Variants in TBC1D8B observed in about 807,000 individuals in gnomAD.
TBC1D8B encodes TBC1 domain family member 8B, also known as RP11-321G1.1.
In TBC1D8B, 75 loss-of-function variants were observed where a neutral mutation model predicts 82.9. That is an observed-to-expected ratio of 0.90 (90% CI 0.75 to 1.10). The LOEUF (loss-of-function observed/expected upper bound fraction) is 1.10. Ranked by LOEUF, TBC1D8B falls within the 50% of genes least tolerant of loss-of-function variation. TBC1D8B has a pLI of 0.00. For missense variants in TBC1D8B, 794 were observed against 796.9 expected (o/e 1.00, Z 0.04); for synonymous variants, 276 against 276.8 (o/e 1.00, Z 0.03).
intron 14 of TBC1D8B, among the ~76,000 whole-genome samples, chrX:106,865,268 A>T (rs1203770092): frequency 2.7e-5 from 3 of 111,998 alleles, no homozygotes; most frequent in Admixed American, 1.9e-4. Context: ...TGTTACTTAT[A>T]TTTATAGACA....
intron 8 of TBC1D8B, 54 bp from the exon 9 acceptor site, chrX:106,839,994 G>A (rs1932264120): frequency 9.0e-7 from 1 of 1,106,020 alleles, no homozygotes; most frequent in East Asian, 3.1e-5. Flanking sequence ...AAGTTATTTT[G>A]CAGAAGTTAA....
intron 7 of TBC1D8B, among the ~76,000 whole-genome samples, chrX:106,836,983 C>A (rs1037288045): frequency 9.0e-6 from 1 of 111,497 alleles, no homozygotes; most frequent in Non-Finnish European, 1.9e-5. Flanking sequence ...TGGACAGCAA[C>A]ATACTCCCCA....
In TBC1D8B at chrX:106,875,009, A is replaced by G; in HGVS notation, c.*1044A>G. On this transcript the variant is annotated 3_prime_UTR_variant, in exon 21 of 21. Transcript: ENST00000357242. ...GACATCTGTCTAAAAAGTTTTGACTATCCAATTTAGATGTGTAATTTCTAT... is the reference window on the plus strand; with the variant it reads ...GACATCTGTCTAAAAAGTTTTGACTGTCCAATTTAGATGTGTAATTTCTAT... The G allele has an allele frequency of 4.5e-5, 5 of 111,699 alleles. 1 individual carries two copies. 9.2% of individuals were successfully genotyped at this position (111,699 alleles called of 1,213,427 possible). A position where few individuals can be genotyped will look rare whatever the true frequency, so the allele number is the denominator to read the frequency against.
At chrX:106,866,662 A>G (rs761747928) in intron 16 of TBC1D8B, 135 bp from the exon 17 acceptor site, 212 of 405,258 alleles carry the variant, frequency 5.2e-4, no homozygotes, top group Non-Finnish European at 8.3e-4. Flanking sequence ...GTGGTTGTTT[A>G]ATTGTTAGCT....
intron 10 of TBC1D8B, among the ~76,000 whole-genome samples, chrX:106,841,932 C>T (rs750650789): frequency 9.0e-6 from 1 of 111,568 alleles, no homozygotes; most frequent in African/African-American, 3.2e-5. Flanking sequence ...TGATCTTAGT[C>T]ACGTGGATAC....
intron 14 of TBC1D8B, among the ~76,000 whole-genome samples, chrX:106,861,844 T>C (rs1041985344): frequency 8.9e-6 from 1 of 112,064 alleles, no homozygotes; most frequent in Non-Finnish European, 1.9e-5. Context: ...CAATAGTCTA[T>C]GTACTTAAGT....
Position 106,870,833 on chromosome X carries a change from A to T in TBC1D8B, c.2967+20A>T. 9.0e-7 allele frequency: 1 copy of T among 1,113,921 alleles called. No homozygotes were observed. The highest frequency in any genetic ancestry group is 1.2e-6 in the Non-Finnish European group (1 of 820,743). The allele number at this position is 1,113,921 out of a possible 1,213,427, so 91.8% of individuals were successfully genotyped here. On this transcript the variant is annotated intron_variant, in intron 20 of 20. Coordinates refer to ENST00000357242, the MANE Select transcript of TBC1D8B (RefSeq NM_017752.3). ...AATCAGGTATAGCATTTTTAAAAAG[A>T]AAATTCTAAGTTCTTGCTTTTTTGT...
chrX:106,870,814 G>A lies in TBC1D8B; in HGVS notation c.2967+1G>A. On this transcript the variant is annotated splice_donor_variant, in intron 20 of 20. Coordinates refer to ENST00000357242, the MANE Select transcript of TBC1D8B (RefSeq NM_017752.3). LOFTEE classifies it high-confidence loss of function. Reference sequence around the variant, plus strand: ...TAAGGATTTACCAAGAATGAATCAGGTATAGCATTTTTAAAAAGAAAATTC... The same window carrying A: ...TAAGGATTTACCAAGAATGAATCAGATATAGCATTTTTAAAAAGAAAATTC... 1 of 1,165,336 alleles carries A rather than the reference G, an allele frequency of 8.6e-7. No individual in the cohort carries two copies. Among genetic ancestry groups the A allele is most frequent in the Non-Finnish European group, 1.2e-6 (1 of 865,037 alleles).
chrX:106,854,822 T>A (rs1167054730), intron 14 of TBC1D8B, among the ~76,000 whole-genome samples: 1 of 111,791 alleles, frequency 8.9e-6, no homozygotes, highest in Non-Finnish European at 1.9e-5. Flanking sequence ...AGCCTGCAGC[T>A]CAGTGTTGAA....
At chrX:106,804,384 TA>T (rs759821823) in intron 1 of TBC1D8B, among the ~76,000 whole-genome samples, 4 of 111,899 alleles carry the variant, frequency 3.6e-5, no homozygotes, top group Non-Finnish European at 5.6e-5. Context: ...ATCCAGCTTC[TA>T]AAAAGGCCCT....
chrX:106,849,956 A>T (rs1472070797), intron 11 of TBC1D8B, 69 bp from the exon 12 acceptor site: 1 of 1,114,531 alleles, frequency 9.0e-7, no homozygotes, highest in African/African-American at 1.9e-5. Flanking sequence ...TGCTAATAGA[A>T]GTGGGGAGGT....
In TBC1D8B at chrX:106,826,249, T is replaced by C. The variant is rs1273893958; in HGVS notation, c.1035+12T>C. The C allele has an allele frequency of 1.7e-6, 2 of 1,189,966 alleles. No homozygotes were observed. Among genetic ancestry groups the C allele is most frequent in the African/African-American group, 3.5e-5 (2 of 57,347 alleles). ...TTCCACTACGAGAGGTAATGTAAATTTGGTTACATATCAGTTTTTAGTTTG... is the reference window on the plus strand; with the variant it reads ...TTCCACTACGAGAGGTAATGTAAATCTGGTTACATATCAGTTTTTAGTTTG... On this transcript the variant is annotated intron_variant, in intron 6 of 20. Transcript: ENST00000357242.
At chrX:106,809,846 C>T (rs5962755) in intron 1 of TBC1D8B, among the ~76,000 whole-genome samples, 5,482 of 101,344 alleles carry the variant, frequency 0.054, 477 homozygotes, top group African/African-American at 0.19. Context: ...ATCACGCCAC[C>T]GCACTCCAGC....
chrX:106,840,212 T>C lies in TBC1D8B; in HGVS notation c.1504+14T>C. The C allele has an allele frequency of 8.4e-7, 1 of 1,193,912 alleles. No homozygotes were observed. Among genetic ancestry groups the C allele is most frequent in the Non-Finnish European group, 1.1e-6 (1 of 884,189 alleles). ...TGCTTTTTTCAGGTATTACGTTTAT[T>C]CATTGTATTTATTTAATAGACATTA... On this transcript the variant is annotated intron_variant, in intron 9 of 20. Coordinates refer to ENST00000357242, the MANE Select transcript of TBC1D8B (RefSeq NM_017752.3).
chrX:106,823,282 A>T lies in TBC1D8B; in HGVS notation c.643A>T (p.Ile215Leu). The T allele has an allele frequency of 8.3e-7, 1 of 1,209,735 alleles. No homozygotes were observed. The highest frequency in any genetic ancestry group is 1.1e-6 in the Non-Finnish European group (1 of 894,065). ...VSKLEKTSNV[I>L]LTESIHVCSQ... ...AAAACTTGAAAAGACTTCAAATGTC[A>T]TACTGACAGAGAGTATTCACGTGTG... The change falls in exon 5 of 21, where the codon ATA becomes TTA. Residue 215 changes from isoleucine (I) to leucine (L), a missense_variant. Transcript: ENST00000357242.
intron 11 of TBC1D8B, chrX:106,849,479 G>T: frequency 9.8e-7 from 1 of 1,022,579 alleles, no homozygotes; most frequent in Non-Finnish European, 1.2e-6. Context: ...AAAGCAGAGG[G>T]TAACCAATTA....
rs780039399 is a variant in TBC1D8B, at chrX:106,848,319, C to T, written c.1837+16C>T. The T allele has an allele frequency of 7.3e-5, 79 of 1,077,587 alleles. No individual in the cohort carries two copies. The highest frequency in any genetic ancestry group is 9.6e-5 in the Non-Finnish European group (75 of 784,790). The allele number at this position is 1,077,587 out of a possible 1,213,427, so 88.8% of individuals were successfully genotyped here. On this transcript the variant is annotated intron_variant, in intron 11 of 20. Transcript: ENST00000357242. ...CGAATTATTGGTAAAAGAAAAACCA[C>T]ACACACACATATGCATACACACACA...
intron 1 of TBC1D8B, 54 bp downstream of exon 1, chrX:106,803,037 G>T: frequency 8.8e-7 from 1 of 1,132,074 alleles, no homozygotes; most frequent in Non-Finnish European, 1.2e-6. Flanking sequence ...TTACTTAAAA[G>T]GTGGTGAGGA....
intron 7 of TBC1D8B, among the ~76,000 whole-genome samples, chrX:106,837,944 G>T (rs773206943): frequency 1.8e-5 from 2 of 111,144 alleles, no homozygotes; most frequent in African/African-American, 6.5e-5. Context: ...ATATATTTGT[G>T]CTTATTTAAC....
Sources: allele counts gnomAD v4.1 joint callset (sites outside exome capture counted in the v4.1 genomes callset), GRCh38; gene constraint gnomAD v4.1.1; transcripts MANE v1.5; gene names NCBI Gene and HGNC (gene_info 2026-07-23, HGNC 2026-07-21).